The following SLC15A5 variants were observed in gnomAD, a reference collection of about 807,000 sequenced individuals.
SLC15A5 encodes Peptide/histidine transporter ENSP00000340402.
Under a neutral mutation model 56.1 loss-of-function variants are expected in SLC15A5, and 58 were observed. The observed-to-expected ratio is 1.03, with a 90% CI of 0.84 to 1.29. The LOEUF (loss-of-function observed/expected upper bound fraction) is 1.29, where lower values mean the gene tolerates loss of function less well. SLC15A5 is among the 50% of genes most tolerant of loss of function. The pLI, the probability that SLC15A5 is intolerant of heterozygous loss-of-function variation, is 0.00. For missense variants in SLC15A5, 681 were observed against 672.1 expected (o/e 1.01, Z -0.15); for synonymous variants, 264 against 250.5 (o/e 1.05, Z -0.51).
At chr12:16,258,990 C>CTTTTTTTTTT (rs35905307) in intron 2 of SLC15A5, among the ~76,000 whole-genome samples, 1 of 118,518 alleles carries the variant, frequency 8.4e-6, no homozygotes, top group Non-Finnish European at 1.7e-5. Flanking sequence ...TCTTCTTTTT[C>CTTTTTTTTTT]TTTTTTTTTT....
chr12:16,251,297 A>G (rs1037853160), intron 3 of SLC15A5, among the ~76,000 whole-genome samples: 1 of 151,948 alleles, frequency 6.6e-6, no homozygotes, highest in Admixed American at 6.6e-5. Context: ...GAGAAAGAAC[A>G]AACAACACAA....
In SLC15A5 at chr12:16,277,267, C is replaced by G. The variant is rs1452630278; in HGVS notation, c.361+58G>C. ...GTGAAAATAATATAAACTAAAAATT[C>G]TAACAAAAATCTACTTAATTAAGTC... On this transcript the variant is annotated intron_variant, in intron 1 of 8. Coordinates refer to ENST00000344941, the MANE Select transcript of SLC15A5 (RefSeq NM_001170798.1). 1.4e-5 allele frequency: 20 copies of G among 1,418,510 alleles called. No individual in the cohort carries two copies. The East Asian group carries it at 3.3e-4, about 23-fold the overall frequency. The allele number at this position is 1,418,510 out of a possible 1,614,324, so 87.9% of individuals were successfully genotyped here.
At chr12:16,209,858 C>T (rs562357076) in intron 7 of SLC15A5, among the ~76,000 whole-genome samples, 1 of 152,252 alleles carries the variant, frequency 6.6e-6, no homozygotes, top group South Asian at 2.1e-4. Flanking sequence ...CTCCTTGTTT[C>T]TCCCAAATTA....
chr12:16,275,374 G>T (rs1257199702), intron 1 of SLC15A5, among the ~76,000 whole-genome samples: 1 of 151,996 alleles, frequency 6.6e-6, no homozygotes, highest in African/African-American at 2.4e-5. Context: ...CTTAGAATAG[G>T]TTGGTAAGGT....
rs1852451 is a variant in SLC15A5 at position 16,244,812 on chromosome 12, C to T, written c.755-12G>A. Reference sequence around the variant, plus strand: ...CAGGAGAGAACAACCTGCAAGTAATCGGAGATATTATGTATTAGTATAGGA... The same window carrying T: ...CAGGAGAGAACAACCTGCAAGTAATTGGAGATATTATGTATTAGTATAGGA... On this transcript the variant is annotated splice_polypyrimidine_tract_variant and intron_variant, in intron 3 of 8. Transcript: ENST00000344941. 1,534,520 of 1,536,420 alleles carry T rather than the reference C, an allele frequency of 1. 766,329 individuals carry two copies. Among genetic ancestry groups the T allele is most frequent in the East Asian group, 1 (40,896 of 40,896 alleles).
In SLC15A5 at chr12:16,243,734, C is replaced by G. The variant is rs1411326453; in HGVS notation, c.975+846G>C. ...CCCTTACACTACTATTAACTGTGAC[C>G]TACGGTGCCTCACCTCTACCAAAAG... On this transcript the variant is annotated intron_variant, in intron 4 of 8. Transcript: ENST00000344941. The surrounding 1 kb of genome is among the most constrained non-coding windows in gnomAD (Gnocchi z 4.4). Among the ~76,000 whole-genome samples the G allele has an allele frequency of 1.3e-5, 2 of 152,122 alleles. No individual in the cohort carries two copies. Among genetic ancestry groups the G allele is most frequent in the Non-Finnish European group, 2.9e-5 (2 of 68,040 alleles).
At position 16,268,010 on chromosome 12, in the gene SLC15A5, C is replaced by T. The variant is rs559696016; in HGVS notation, c.584+4551G>A. On this transcript the variant is annotated intron_variant, in intron 2 of 8. Transcript: ENST00000344941. ...CTAGGCCTCCCAGAGCCCAGGGATT[C>T]AGGTGTGAGTCACTGTGCCTGGCCA... is the stretch of plus-strand genomic sequence containing the variant. 3.0e-4 allele frequency among the ~76,000 whole-genome samples: 34 copies of T among 114,352 alleles called. 11 individuals carry two copies. Among genetic ancestry groups the T allele is most frequent in the African/African-American group, 1.1e-3 (32 of 29,244 alleles). The allele number at this position is 114,352 out of a possible 152,430, so 75.0% of individuals were successfully genotyped here.
Position 16,196,851 on chromosome 12 carries a change from T to A in SLC15A5, c.1484-2398A>T, listed in dbSNP as rs752847993. Among the ~76,000 whole-genome samples the A allele has an allele frequency of 6.6e-6, 1 of 152,018 alleles. No homozygotes were observed. The highest frequency in any genetic ancestry group is 1.5e-5 in the Non-Finnish European group (1 of 67,998). ...GGTAAAACATAATATTTTAAAGAAA[T>A]TGTTTCATTATGGCAAATACCAGCC... On this transcript the variant is annotated intron_variant, in intron 7 of 8. Coordinates refer to ENST00000344941, the MANE Select transcript of SLC15A5 (RefSeq NM_001170798.1). The surrounding 1 kb of genome is among the most constrained non-coding windows in gnomAD (Gnocchi z 4.0).
intron 3 of SLC15A5, among the ~76,000 whole-genome samples, chr12:16,250,806 A>C (rs1050190613): frequency 3.9e-5 from 6 of 152,020 alleles, no homozygotes; most frequent in Non-Finnish European, 2.9e-5. Flanking sequence ...ATTCTTTTAT[A>C]ACCTGAAAGT....
intron 5 of SLC15A5, among the ~76,000 whole-genome samples, chr12:16,227,126 A>G (rs976779673): frequency 6.6e-5 from 10 of 152,096 alleles, no homozygotes; most frequent in Non-Finnish European, 7.4e-5. Flanking sequence ...ACCTCAATAA[A>G]CCTCAGTTTA....
chr12:16,243,984 TTAACTC>T lies in SLC15A5; in HGVS notation c.975+590_975+595del, dbSNP rs1864437483. Among the ~76,000 whole-genome samples, 1 of 152,208 alleles carries T rather than the reference TTAACTC, an allele frequency of 6.6e-6. No individual in the cohort carries two copies. Among genetic ancestry groups the T allele is most frequent in the Admixed American group, 6.5e-5 (1 of 15,284 alleles). ...TTTTTCTCAGTAAATAAGTTAGTCT[TTAACTC>T]TAACCACATTAAAAAAATTTAAAAT... is the stretch of plus-strand genomic sequence containing the variant. On this transcript the variant is annotated intron_variant, in intron 4 of 8. Coordinates refer to ENST00000344941, the MANE Select transcript of SLC15A5 (RefSeq NM_001170798.1). The surrounding 1 kb of genome is among the most constrained non-coding windows in gnomAD (Gnocchi z 4.4).
intron 1 of SLC15A5, 97 bp from the exon 2 acceptor site, chr12:16,272,880 T>C: frequency 9.7e-7 from 1 of 1,033,664 alleles, no homozygotes. Flanking sequence ...GTGGCATCAT[T>C]TTGTGATTGT....
chr12:16,265,668 A>C (rs1164381449), intron 2 of SLC15A5, among the ~76,000 whole-genome samples: 1 of 151,928 alleles, frequency 6.6e-6, no homozygotes, highest in Non-Finnish European at 1.5e-5. Context: ...TTTTTTGTAG[A>C]GATGGGGTTT....
intron 7 of SLC15A5, among the ~76,000 whole-genome samples, chr12:16,207,962 G>A (rs931296258): frequency 6.6e-6 from 1 of 151,896 alleles, no homozygotes; most frequent in African/African-American, 2.4e-5. Context: ...CAGAACCAGC[G>A]ATCTTAACAC....
chr12:16,272,815 A>G lies in SLC15A5; in HGVS notation c.362-32T>C, dbSNP rs745976851. Reference sequence around the variant, plus strand: ...GTGGAGAAAAAAAAAGAGTAAATGTAGCATAGAACAAGTGGATCACCAAAT... The same window carrying G: ...GTGGAGAAAAAAAAAGAGTAAATGTGGCATAGAACAAGTGGATCACCAAAT... On this transcript the variant is annotated intron_variant, in intron 1 of 8. Transcript: ENST00000344941. The G allele has an allele frequency of 1.3e-5, 20 of 1,509,748 alleles. No homozygotes were observed. In the African/African-American group the frequency reaches 2.5e-4, roughly 19 times the overall value. The allele number at this position is 1,509,748 out of a possible 1,614,324, so 93.5% of individuals were successfully genotyped here.
chr12:16,209,958 A>G (rs1284665470), intron 7 of SLC15A5, among the ~76,000 whole-genome samples: 1 of 152,160 alleles, frequency 6.6e-6, no homozygotes, highest in African/African-American at 2.4e-5. Flanking sequence ...TACCATTCTT[A>G]TAGCATTCAA....
intron 4 of SLC15A5, among the ~76,000 whole-genome samples, chr12:16,240,543 T>A (rs1864403538): frequency 6.6e-6 from 1 of 152,126 alleles, no homozygotes; most frequent in African/African-American, 2.4e-5. Flanking sequence ...AAGGTTTGCA[T>A]GATAAAGTGA....
chr12:16,236,339 A>G (rs1162827732), intron 5 of SLC15A5, among the ~76,000 whole-genome samples: 2 of 152,222 alleles, frequency 1.3e-5, no homozygotes, highest in African/African-American at 2.4e-5. Context: ...ACTTAACCAG[A>G]TAAATCCACA....
At chr12:16,258,412 A>G (rs1038214206) in intron 2 of SLC15A5, among the ~76,000 whole-genome samples, 8 of 152,148 alleles carry the variant, frequency 5.3e-5, no homozygotes, top group Non-Finnish European at 7.4e-5. Flanking sequence ...TTTTCTTCCC[A>G]ATGATTAGTA....
Sources: gnomAD v4.1 joint callset for allele counts (sites outside exome capture counted in the v4.1 genomes callset) on GRCh38, gnomAD v4.1.1 for gene constraint, Gnocchi (gnomAD v3.1) non-coding constraint, MANE v1.5 for transcripts, NCBI Gene and HGNC (gene_info 2026-07-23, HGNC 2026-07-21) for gene names.